The following BOD1 variants were observed in gnomAD, a reference collection of about 807,000 sequenced individuals.
BOD1 encodes biorientation of chromosomes in cell division protein 1.
Under a neutral mutation model 15.7 loss-of-function variants are expected in BOD1, and 11 were observed. The ratio of observed to expected loss-of-function variants is 0.70; its 90% confidence interval spans 0.44 to 1.16. BOD1 has a LOEUF of 1.16. Ranked by LOEUF, BOD1 falls within the 50% of genes most tolerant of loss-of-function variation. The pLI is 0.00. For synonymous variants in BOD1, 105 were observed against 103.5 expected, an observed-to-expected ratio of 1.01 and a Z score of -0.09; for missense variants, 182 against 244.5, an observed-to-expected ratio of 0.74 and a Z score of 1.70.
At chr5:173,608,317 A>G (rs554354806) in intron 3 of BOD1, 25 bp from the exon 4 acceptor site, 1 of 1,285,274 alleles carries the variant, frequency 7.8e-7, no homozygotes, top group East Asian at 2.2e-5. Context: ...TAATCATATC[A>G]AAATGTTATT....
chr5:173,610,365 G>T (rs1390526459), intron 2 of BOD1, among the ~76,000 whole-genome samples: 1 of 152,180 alleles, frequency 6.6e-6, no homozygotes, highest in East Asian at 1.9e-4. Context: ...TACAGCAAAG[G>T]AAAGACATGA....
At chr5:173,612,014 G>A (rs557299654) in intron 2 of BOD1, among the ~76,000 whole-genome samples, 1 of 152,342 alleles carries the variant, frequency 6.6e-6, no homozygotes, top group Admixed American at 6.5e-5. Context: ...TCAGTAAGGG[G>A]CAGCTACTGT....
Position 173,616,184 on chromosome 5 carries a change from A to G in BOD1, c.237+16T>C. On this transcript the variant is annotated intron_variant, in intron 1 of 3. Coordinates refer to ENST00000311086, the MANE Select transcript of BOD1 (RefSeq NM_138369.3). ...CGTGCAGCCCCGCTCCCCAACGCCC[A>G]GGCGGCCGCAGCTACCTTGGTGTCC... 6.4e-7 allele frequency: 1 copy of G among 1,570,702 alleles called. No homozygotes were observed. Among genetic ancestry groups the G allele is most frequent in the Non-Finnish European group, 8.6e-7 (1 of 1,159,024 alleles).
In BOD1 at chr5:173,607,504, C is replaced by T. The variant is rs547011119; in HGVS notation, c.*790G>A. 1 of 152,356 alleles carries T rather than the reference C, an allele frequency of 6.6e-6. No homozygotes were observed. Among genetic ancestry groups the T allele is most frequent in the South Asian group, 2.1e-4 (1 of 4,826 alleles). 9.4% of individuals were successfully genotyped at this position (152,356 alleles called of 1,614,324 possible). ...CTTCACAGACCTGAGGTTTAAGCTTCAGCTGAAGCTTCGGAGTAAAAGTAT... is the reference window on the plus strand; with the variant it reads ...CTTCACAGACCTGAGGTTTAAGCTTTAGCTGAAGCTTCGGAGTAAAAGTAT... On this transcript the variant is annotated 3_prime_UTR_variant, in exon 4 of 4. Coordinates refer to ENST00000311086, the MANE Select transcript of BOD1 (RefSeq NM_138369.3).
intron 3 of BOD1, 76 bp from the exon 4 acceptor site, chr5:173,608,368 A>G: frequency 8.7e-7 from 1 of 1,145,306 alleles, no homozygotes; most frequent in Non-Finnish European, 1.3e-6. Context: ...TTCCTAAAGG[A>G]ATTTACAATT....
Position 173,616,449 on chromosome 5 carries a change from G to C in BOD1, c.-13C>G. ...CGCCGTCCGCCATGGCTGCGCCCCGGGCCCACAAGGGAGAACGACTATAGC... is the reference window on the plus strand; with the variant it reads ...CGCCGTCCGCCATGGCTGCGCCCCGCGCCCACAAGGGAGAACGACTATAGC... On this transcript the variant is annotated 5_prime_UTR_variant, in exon 1 of 4. Transcript: ENST00000311086. The C allele has an allele frequency of 1.9e-6, 3 of 1,558,302 alleles. No individual in the cohort carries two copies. The highest frequency in any genetic ancestry group is 1.1e-5 in the South Asian group (1 of 87,006).
At chr5:173,613,766 T>C (rs1031932310) in intron 1 of BOD1, among the ~76,000 whole-genome samples, 4 of 152,136 alleles carry the variant, frequency 2.6e-5, no homozygotes, top group Non-Finnish European at 5.9e-5. Context: ...TTCCAAAAGG[T>C]TGAGAGAGCA....
At chr5:173,609,106 A>C (rs1038230839) in intron 3 of BOD1, 132 bp downstream of exon 3, 1 of 1,004,226 alleles carries the variant, frequency 1.0e-6, no homozygotes, top group Non-Finnish European at 1.5e-6. Flanking sequence ...GTGACTTATA[A>C]CAGTAGGTGA....
chr5:173,612,252 G>C (rs987561057), intron 2 of BOD1, among the ~76,000 whole-genome samples: 1 of 152,216 alleles, frequency 6.6e-6, no homozygotes, highest in Non-Finnish European at 1.5e-5. Flanking sequence ...GAAGAGTCCA[G>C]GGAGTTCCAC....
intron 3 of BOD1, 63 bp from the exon 4 acceptor site, chr5:173,608,355 A>G: frequency 7.9e-7 from 1 of 1,261,014 alleles, no homozygotes; most frequent in South Asian, 1.2e-5. Flanking sequence ...ATTCACTTTT[A>G]TGTTCCTAAA....
chr5:173,616,342 G>A lies in BOD1; in HGVS notation c.95C>T (p.Ala32Val), dbSNP rs761974596. 3 of 1,528,558 alleles carry A rather than the reference G, an allele frequency of 2.0e-6. No homozygotes were observed. The highest frequency in any genetic ancestry group is 2.5e-5 in the East Asian group (1 of 39,890). The allele number at this position is 1,528,558 out of a possible 1,614,324, so 94.7% of individuals were successfully genotyped here. Residue 32 changes from alanine (A) to valine (V), a missense_variant, in exon 1 of 4, where the codon GCC becomes GTC. Physicochemically the swap from Ala to Val is moderately conservative, Grantham distance 64. Transcript: ENST00000311086. The stretch of plus-strand genomic sequence containing the variant: ...GTTGATGGGGCCACCGCCCCCGCTG[G>A]CCCCAGTAGCGCCAGTCGCTGCCCC... ...SAGAATGATG[A>V]SGGGGPINPA...
At chr5:173,614,494 C>T (rs756410461) in intron 1 of BOD1, among the ~76,000 whole-genome samples, 3 of 152,198 alleles carry the variant, frequency 2.0e-5, no homozygotes, top group African/African-American at 4.8e-5. Flanking sequence ...AAGTAAATTA[C>T]AGTGCAAAGT....
At position 173,608,874 on chromosome 5, in the gene BOD1, A is replaced by T. The variant is rs371361102; in HGVS notation, c.*1+364T>A. The stretch of plus-strand genomic sequence containing the variant: ...ATATCACTTCAGAAGGCACTGCTTG[A>T]TTTTAAATAAAATTGCAAGCCTAAG... On this transcript the variant is annotated intron_variant, in intron 3 of 3. Transcript: ENST00000311086. Among the ~76,000 whole-genome samples, 8 of 152,350 alleles carry T rather than the reference A, an allele frequency of 5.3e-5. No homozygotes were observed. The East Asian group carries it at 1.2e-3, about 22-fold the overall frequency.
intron 3 of BOD1, 24 bp from the exon 4 acceptor site, chr5:173,608,316 C>G: frequency 7.8e-7 from 1 of 1,284,222 alleles, no homozygotes; most frequent in Non-Finnish European, 1.1e-6. Flanking sequence ...ATAATCATAT[C>G]AAAATGTTAT....
intron 2 of BOD1, among the ~76,000 whole-genome samples, chr5:173,610,851 C>T (rs1033337984): frequency 3.3e-5 from 5 of 152,084 alleles, no homozygotes; most frequent in Non-Finnish European, 5.9e-5. Context: ...AGAGCCTCCG[C>T]GAATGCAATT....
chr5:173,611,212 A>G (rs1755342609), intron 2 of BOD1, among the ~76,000 whole-genome samples: 1 of 152,240 alleles, frequency 6.6e-6, no homozygotes, highest in Non-Finnish European at 1.5e-5. Context: ...GAAAAAACAA[A>G]TATTGTACAG....
At chr5:173,610,849 C>T (rs1284718217) in intron 2 of BOD1, among the ~76,000 whole-genome samples, 1 of 152,134 alleles carries the variant, frequency 6.6e-6, no homozygotes, top group African/African-American at 2.4e-5. Context: ...GCAGAGCCTC[C>T]GCGAATGCAA....
intron 2 of BOD1, among the ~76,000 whole-genome samples, chr5:173,612,528 G>A (rs1282181919): frequency 1.3e-5 from 2 of 152,038 alleles, no homozygotes; most frequent in Non-Finnish European, 2.9e-5. Context: ...CCTCCCATCC[G>A]TAACCCCAGG....
chr5:173,609,571 C>T, intron 2 of BOD1, 137 bp from the exon 3 acceptor site: 2 of 809,100 alleles, frequency 2.5e-6, no homozygotes, highest in South Asian at 1.7e-5. Context: ...GAGGTCAATC[C>T]ACTTACCATA....
Sources: gnomAD v4.1 joint callset for allele counts (sites outside exome capture counted in the v4.1 genomes callset) on GRCh38, gnomAD v4.1.1 for gene constraint, MANE v1.5 for transcripts, NCBI Gene and HGNC (gene_info 2026-07-23, HGNC 2026-07-21) for gene names.